Variants in MASP1 observed in about 807,000 individuals in gnomAD.
MASP1 encodes mannan-binding lectin serine protease 1.
Under a neutral mutation model 77.1 loss-of-function variants are expected in MASP1, and 59 were observed. The observed-to-expected ratio is 0.77, with a 90% CI of 0.62 to 0.95. The LOEUF is 0.95. Among genes scored for constraint, MASP1 ranks in the 40% least tolerant of loss-of-function variants. The pLI, the probability that MASP1 is intolerant of heterozygous loss-of-function variation, is 0.00. For missense variants in MASP1, 885 were observed against 912.9 expected, an observed-to-expected ratio of 0.97 and a Z score of 0.39; for synonymous variants, 362 against 354.5, an observed-to-expected ratio of 1.02 and a Z score of -0.24.
chr3:187,273,516 C>T (rs1264593504), intron 2 of MASP1, among the ~76,000 whole-genome samples: 3 of 152,278 alleles, frequency 2.0e-5, no homozygotes, highest in East Asian at 1.9e-4. Context: ...ATGCGTGAGC[C>T]GTAGGCCAAT....
chr3:187,257,827 C>G (rs145762588), intron 4 of MASP1, among the ~76,000 whole-genome samples: 1 of 152,086 alleles, frequency 6.6e-6, no homozygotes, highest in African/African-American at 2.4e-5. Context: ...CCTAATGGGC[C>G]CCCTGTGGCA....
rs956840000 is a variant in MASP1 at position 187,236,171 on chromosome 3, G to C, written c.1700C>G (p.Pro567Arg). The change falls in exon 11 of 11, where the codon CCC (proline) becomes CGC (arginine). Residue 567 changes from proline to arginine, a missense_variant. Transcript: ENST00000296280. ...TGGCAGGCAGACAGGCATAACGTGG[G>C]GTCCCAGGGGCACAGGCTCCTGCAG... ...VQLQEPVPLG[P>R]HVMPVCLPRL... 1.2e-6 allele frequency: 2 copies of C among 1,613,926 alleles called. No individual in the cohort carries two copies. Among genetic ancestry groups the C allele is most frequent in the African/African-American group, 2.7e-5 (2 of 74,930 alleles).
At chr3:187,233,229 C>T (rs186914626), downstream of MASP1, among the ~76,000 whole-genome samples, 26 of 152,330 alleles carry the variant, frequency 1.7e-4, 1 homozygote, top group East Asian at 4.6e-3. Context: ...GAGACCCAGC[C>T]ATCTGCATTT....
chr3:187,283,042 T>C (rs1717561727), intron 2 of MASP1, among the ~76,000 whole-genome samples: 1 of 152,140 alleles, frequency 6.6e-6, no homozygotes, highest in Admixed American at 6.5e-5. Context: ...TCTTCTCCAC[T>C]CCATGTCATT....
chr3:187,286,222 T>C (rs889747453), intron 1 of MASP1, 166 bp from the exon 2 acceptor site: 15 of 649,424 alleles, frequency 2.3e-5, no homozygotes, highest in Non-Finnish European at 5.4e-6. Flanking sequence ...TATGGGAATA[T>C]AGTAACTAGA....
At chr3:187,284,164 T>C (rs114269177) in intron 2 of MASP1, among the ~76,000 whole-genome samples, 2,830 of 152,312 alleles carry the variant, frequency 0.019, 89 homozygotes, top group African/African-American at 0.065. Context: ...TTTATTGCCA[T>C]CACTGTTTTC....
intron 2 of MASP1, among the ~76,000 whole-genome samples, chr3:187,285,299 A>T (rs1278746307): frequency 6.6e-6 from 1 of 152,078 alleles, no homozygotes; most frequent in Non-Finnish European, 1.5e-5. Flanking sequence ...ATAAAATGCA[A>T]ACTACTTGGC....
intron 7 of MASP1, 122 bp from the exon 8 acceptor site, chr3:187,250,451 C>A: frequency 1.3e-6 from 1 of 790,952 alleles, no homozygotes; most frequent in East Asian, 2.4e-5. Flanking sequence ...ATTTTCCACC[C>A]ATGGGCTTCC....
chr3:187,236,699 G>A, intron 10 of MASP1, 132 bp from the exon 11 acceptor site: 2 of 1,491,146 alleles, frequency 1.3e-6, no homozygotes, highest in South Asian at 1.2e-5. Context: ...AACCTGCCTG[G>A]GTCATGCTAG....
At chr3:187,257,667 G>A (rs1715208999) in intron 4 of MASP1, among the ~76,000 whole-genome samples, 1 of 152,280 alleles carries the variant, frequency 6.6e-6, no homozygotes, top group South Asian at 2.1e-4. Flanking sequence ...TTACAGGTGT[G>A]AGCCACCTCG....
chr3:187,231,950 G>A (rs959035146), downstream of MASP1, among the ~76,000 whole-genome samples: 1 of 152,218 alleles, frequency 6.6e-6, no homozygotes, highest in Non-Finnish European at 1.5e-5. Flanking sequence ...GAGAAGGCTG[G>A]AGAGAGAGGA....
intron 6 of MASP1, among the ~76,000 whole-genome samples, chr3:187,252,762 C>A (rs1325294412): frequency 6.6e-6 from 1 of 152,088 alleles, no homozygotes; most frequent in Non-Finnish European, 1.5e-5. Context: ...GGAGGCAAAG[C>A]ACCATAATGA....
chr3:187,224,774 G>C (rs1579460067), intron 13 of MASP1, among the ~76,000 whole-genome samples: 2 of 152,188 alleles, frequency 1.3e-5, no homozygotes, highest in Non-Finnish European at 2.9e-5. Context: ...AAAACAGGGG[G>C]CACTTTCAGA....
At chr3:187,255,105 T>C (rs1425753076) in intron 5 of MASP1, among the ~76,000 whole-genome samples, 1 of 152,156 alleles carries the variant, frequency 6.6e-6, no homozygotes. Context: ...AAGTTATTCA[T>C]TAGTTGACCT....
chr3:187,223,107 G>C, intron 14 of MASP1: 1 of 1,605,946 alleles, frequency 6.2e-7, no homozygotes, highest in Non-Finnish European at 8.5e-7. Context: ...ACTGTCTGTA[G>C]GTTATAAAGT....
chr3:187,243,428 C>T (rs887477172), intron 9 of MASP1, 56 bp downstream of exon 9: 2 of 1,604,708 alleles, frequency 1.2e-6, no homozygotes, highest in East Asian at 2.2e-5. Context: ...CCAGTCCAAC[C>T]CTGAGGCCCC....
At chr3:187,286,719 G>A (rs1717887207) in intron 1 of MASP1, among the ~76,000 whole-genome samples, 1 of 152,156 alleles carries the variant, frequency 6.6e-6, no homozygotes, top group African/African-American at 2.4e-5. Flanking sequence ...GCAATAACGA[G>A]GCAGAATGAC....
At chr3:187,246,289 T>C in intron 8 of MASP1, 1 of 647,670 alleles carries the variant, frequency 1.5e-6, no homozygotes, top group Non-Finnish European at 1.9e-6. Flanking sequence ...ATTATTTGGG[T>C]ACATATCAAA....
chr3:187,265,979 A>G (rs905862055), intron 2 of MASP1, among the ~76,000 whole-genome samples: 1 of 152,168 alleles, frequency 6.6e-6, no homozygotes, highest in African/African-American at 2.4e-5. Context: ...GGAGTTCTAT[A>G]AAGATCATTT....
Sources: gnomAD v4.1 joint callset for allele counts (sites outside exome capture counted in the v4.1 genomes callset) on GRCh38, gnomAD v4.1.1 for gene constraint, MANE v1.5 for transcripts, NCBI Gene and HGNC (gene_info 2026-07-23, HGNC 2026-07-21) for gene names.